MOGAT1: variants seen among roughly 807,000 people sequenced by gnomAD.
The protein encoded by MOGAT1 is 2-acylglycerol O-acyltransferase 1.
MOGAT1 carries 32 observed loss-of-function variants against 31.4 expected under a neutral mutation model. That is an observed-to-expected ratio of 1.02 (90% CI 0.77 to 1.37). The LOEUF (loss-of-function observed/expected upper bound fraction) is 1.37. Ranked by LOEUF, MOGAT1 falls within the 40% of genes most tolerant of loss-of-function variation. MOGAT1 has a pLI of 0.00. For synonymous variants in MOGAT1, 145 were observed against 144.5 expected, an observed-to-expected ratio of 1.00 and a Z score of -0.03; for missense variants, 426 against 402.0, an observed-to-expected ratio of 1.06 and a Z score of -0.51.
At chr2:222,676,824 T>G (rs1036838556) in intron 1 of MOGAT1, among the ~76,000 whole-genome samples, 1 of 152,254 alleles carries the variant, frequency 6.6e-6, no homozygotes, top group African/African-American at 2.4e-5. Context: ...TGAAGCTATA[T>G]AAGGGTATGC....
intron 2 of MOGAT1, 58 bp from the exon 3 acceptor site, chr2:222,689,207 T>A: frequency 5.0e-6 from 7 of 1,399,074 alleles, no homozygotes; most frequent in Non-Finnish European, 6.8e-6. Context: ...TTGTTTCTCA[T>A]TGGAAAATAA....
intron 5 of MOGAT1, among the ~76,000 whole-genome samples, chr2:222,708,735 A>C (rs557008019): frequency 6.6e-6 from 1 of 152,228 alleles, no homozygotes; most frequent in Non-Finnish European, 1.5e-5. Context: ...GAATATAAAC[A>C]TTTTTTCCAA....
chr2:222,701,519 G>A (rs1692924163), intron 5 of MOGAT1, among the ~76,000 whole-genome samples: 1 of 115,116 alleles, frequency 8.7e-6, no homozygotes, highest in Non-Finnish European at 1.8e-5. Flanking sequence ...AGGAAGGAAG[G>A]GAAAAGAAAG....
chr2:222,687,359 T>C (rs1692690249), intron 1 of MOGAT1, among the ~76,000 whole-genome samples: 2 of 152,128 alleles, frequency 1.3e-5, no homozygotes, highest in African/African-American at 4.8e-5. Context: ...CAGTGTGTTA[T>C]AGAAGAGAAA....
At position 222,688,481 on chromosome 2, in the gene MOGAT1, T is replaced by C. The variant is rs181021442; in HGVS notation, c.232T>C (p.Trp78Arg). Reference sequence around the variant, plus strand: ...CAGGAGATCCAGCTGGATCAAAAATTGGACTCTTTGGAAACACTTTAAGGA... The same window carrying C: ...CAGGAGATCCAGCTGGATCAAAAATCGGACTCTTTGGAAACACTTTAAGGA... Reference protein sequence around the residue: ...GGRRSSWIKNWTLWKHFKDYF... With the variant: ...GGRRSSWIKNRTLWKHFKDYF... The change falls in exon 2 of 6, where the codon TGG (tryptophan) becomes CGG (arginine). Residue 78 changes from tryptophan to arginine, a missense_variant. Transcript: ENST00000446656. The C allele has an allele frequency of 4.6e-4, 745 of 1,613,730 alleles. No homozygotes were observed. Among genetic ancestry groups the C allele is most frequent in the Non-Finnish European group, 6.0e-4 (703 of 1,179,794 alleles).
intron 5 of MOGAT1, among the ~76,000 whole-genome samples, chr2:222,707,945 T>C (rs887590718): frequency 3.3e-5 from 5 of 152,202 alleles, no homozygotes; most frequent in African/African-American, 1.2e-4. Flanking sequence ...TGACTCAGGA[T>C]AGGACAAAGG....
chr2:222,687,920 T>A (rs762162140), intron 1 of MOGAT1, among the ~76,000 whole-genome samples: 1 of 152,178 alleles, frequency 6.6e-6, no homozygotes, highest in Admixed American at 6.5e-5. Context: ...GACTAAGTAG[T>A]TAGACCTTAA....
chr2:222,686,788 T>C (rs184267563), intron 1 of MOGAT1, among the ~76,000 whole-genome samples: 39 of 152,190 alleles, frequency 2.6e-4, no homozygotes, highest in African/African-American at 7.5e-4. Flanking sequence ...CAATGATATA[T>C]CTGAGAAATT....
At chr2:222,675,200 A>T (rs1311854747) in intron 1 of MOGAT1, among the ~76,000 whole-genome samples, 1 of 152,190 alleles carries the variant, frequency 6.6e-6, no homozygotes, top group Non-Finnish European at 1.5e-5. Context: ...TTCTTTTAAA[A>T]GATGGAAGTT....
At chr2:222,677,650 T>A in intron 1 of MOGAT1, 1 of 358,146 alleles carries the variant, frequency 2.8e-6, no homozygotes, top group East Asian at 8.0e-5. Context: ...TCCTGGAGGC[T>A]GATAGCTAAA....
chr2:222,674,285 T>A (rs1692464686), intron 1 of MOGAT1, among the ~76,000 whole-genome samples: 1 of 152,206 alleles, frequency 6.6e-6, no homozygotes, highest in African/African-American at 2.4e-5. Flanking sequence ...ATATTTTGTA[T>A]TATATATCTT....
intron 5 of MOGAT1, among the ~76,000 whole-genome samples, chr2:222,701,298 AG>A (rs34488394): frequency 0.25 from 22,746 of 91,916 alleles, 2,174 homozygotes; most frequent in Non-Finnish European, 0.29. Flanking sequence ...GAGGAGGAGG[AG>A]GAGAGAGAGA....
At position 222,689,415 on chromosome 2, in the gene MOGAT1, G is replaced by A. The variant is rs114230367; in HGVS notation, c.424G>A (p.Val142Met). 180 of 1,613,034 alleles carry A rather than the reference G, an allele frequency of 1.1e-4. No homozygotes were observed. In the East Asian group the frequency reaches 2.4e-3, roughly 22 times the overall value. Residue 142 changes from valine to methionine, a missense_variant, in exon 3 of 6, where the codon GTG (valine) becomes ATG (methionine). Coordinates refer to ENST00000446656, the MANE Select transcript of MOGAT1 (RefSeq NM_058165.3). ...TCCTGGCTTTACTTCATATCTTCAC[G>A]TGCTGCCACTTTGGTTCTGGTGTCC... ...LFPGFTSYLH[V>M]LPLWFWCPVF...
chr2:222,673,394 A>AG (rs1692451367), intron 1 of MOGAT1, among the ~76,000 whole-genome samples: 1 of 151,376 alleles, frequency 6.6e-6, no homozygotes, highest in African/African-American at 2.4e-5. Context: ...CTACACCGTG[A>AG]GGCAGGGTTG....
At chr2:222,705,614 C>T (rs907887781) in intron 5 of MOGAT1, among the ~76,000 whole-genome samples, 1 of 152,088 alleles carries the variant, frequency 6.6e-6, no homozygotes, top group Non-Finnish European at 1.5e-5. Context: ...TTTCTGACAC[C>T]GTCATTCGGG....
intron 5 of MOGAT1, chr2:222,699,547 A>AGT (rs1189300780): frequency 8.4e-6 from 1 of 119,172 alleles, no homozygotes; most frequent in East Asian, 2.5e-4. Flanking sequence ...CCCAGGCTGG[A>AGT]GTGCAGTGGC....
At chr2:222,709,649 G>A in intron 5 of MOGAT1, 87 bp from the exon 6 acceptor site, 2 of 1,220,868 alleles carry the variant, frequency 1.6e-6, no homozygotes, top group South Asian at 1.6e-5. Context: ...CTGATTGGCA[G>A]TTGTGTTCAC....
chr2:222,671,912 G>A, intron 1 of MOGAT1, 33 bp downstream of exon 1: 1 of 1,497,832 alleles, frequency 6.7e-7, no homozygotes, highest in Non-Finnish European at 9.1e-7. Flanking sequence ...CGCGGGGCTT[G>A]GGCTCCATAT....
At chr2:222,694,986 T>C in intron 4 of MOGAT1, 103 bp from the exon 5 acceptor site, 2 of 835,918 alleles carry the variant, frequency 2.4e-6, no homozygotes, top group East Asian at 2.9e-5. Flanking sequence ...CTTGGGCACA[T>C]TTAAAAAATT....
Sources: allele counts gnomAD v4.1 joint callset (sites outside exome capture counted in the v4.1 genomes callset), GRCh38; gene constraint gnomAD v4.1.1; transcripts MANE v1.5; gene names NCBI Gene and HGNC (gene_info 2026-07-23, HGNC 2026-07-21).